KIF7: variants seen among roughly 807,000 people sequenced by gnomAD.
KIF7 encodes kinesin family member 7, also known as kinesin-like protein KIF7.
In KIF7, 104 loss-of-function variants were observed where a neutral mutation model predicts 135.7. The ratio of observed to expected loss-of-function variants is 0.77; its 90% CI spans 0.65 to 0.90. The LOEUF (loss-of-function observed/expected upper bound fraction) is 0.90. KIF7 is among the 40% of genes least tolerant of loss of function. The pLI is 0.00. For synonymous variants in KIF7, 883 were observed against 809.4 expected, an observed-to-expected ratio of 1.09 and a Z score of -1.54; for missense variants, 2,005 against 1,839.1, an observed-to-expected ratio of 1.09 and a Z score of -1.65.
At chr15:89,647,254 C>T (rs974781463) in intron 6 of KIF7, among the ~76,000 whole-genome samples, 197 bp from the exon 7 acceptor site, 1 of 152,140 alleles carries the variant, frequency 6.6e-6, no homozygotes, top group African/African-American at 2.4e-5. Context: ...ACACTCCTAT[C>T]CTGCCAGACC....
chr15:89,635,379 G>A lies in KIF7; in HGVS notation c.2395-1496C>T, dbSNP rs568431062. Reference sequence around the variant, plus strand: ...AGGCTTCAGATGATCAAATTATTCCGAGCTATGGGAGGAAATTCAAACCAA... The same window carrying A: ...AGGCTTCAGATGATCAAATTATTCCAAGCTATGGGAGGAAATTCAAACCAA... On this transcript the variant is annotated intron_variant, in intron 11 of 18. Coordinates refer to ENST00000394412, the MANE Select transcript of KIF7 (RefSeq NM_198525.3). Among the ~76,000 whole-genome samples the A allele has an allele frequency of 1.2e-4, 18 of 152,292 alleles. No homozygotes were observed. The East Asian group carries it at 1.4e-3, about 11-fold the overall frequency.
At chr15:89,648,147 G>C (rs1388742057) in intron 5 of KIF7, 108 bp downstream of exon 5, 2 of 1,347,886 alleles carry the variant, frequency 1.5e-6, no homozygotes, top group Non-Finnish European at 9.5e-7. Flanking sequence ...AACGTGCCCT[G>C]CTAATGGGCA....
upstream of KIF7, among the ~76,000 whole-genome samples, chr15:89,656,960 T>C (rs920000393): frequency 6.6e-6 from 1 of 152,190 alleles, no homozygotes. Context: ...GATTTTCATA[T>C]GTGTAAAATG....
exon 2 of KIF7, chr15:89,618,143 T>C (rs560689199): frequency 6.2e-7 from 1 of 1,614,030 alleles, no homozygotes; most frequent in Non-Finnish European, 8.5e-7. Flanking sequence ...GTGCATGTGG[T>C]TCCTCGAGGT....
In KIF7 at chr15:89,652,757, G is replaced by C. The variant is rs760396015; in HGVS notation, c.174C>G (p.His58Gln). ...GCCCCGCATCCTCGGCCAGCACCAC[G>C]TGGAAGCCAAAGTGTCGGTCACGGC... ...TLGRDRHFGF[H>Q]VVLAEDAGQE... is the part of the protein sequence containing the mutation. Residue 58 changes from histidine to glutamine, a missense_variant, in exon 2 of 19, where the codon CAC becomes CAG. Transcript: ENST00000394412. 39 of 1,551,562 alleles carry C rather than the reference G, an allele frequency of 2.5e-5. No individual in the cohort carries two copies. Among genetic ancestry groups the C allele is most frequent in the Non-Finnish European group, 3.0e-5 (34 of 1,147,000 alleles).
upstream of KIF7, among the ~76,000 whole-genome samples, chr15:89,658,077 A>G (rs75677798): frequency 4.3e-3 from 657 of 152,352 alleles, 3 homozygotes; most frequent in African/African-American, 0.015. Context: ...TCCATTGTTC[A>G]TCAGATATCA....
intron 16 of KIF7, 26 bp downstream of exon 16, chr15:89,630,261 T>C (rs754842380): frequency 3.1e-6 from 5 of 1,609,532 alleles, no homozygotes; most frequent in Non-Finnish European, 4.3e-6. Flanking sequence ...GAGGAGGAGC[T>C]GGGGGGCCAT....
chr15:89,633,931 G>C, intron 11 of KIF7, 48 bp from the exon 12 acceptor site: 2 of 1,596,624 alleles, frequency 1.3e-6, no homozygotes, highest in Non-Finnish European at 8.6e-7. Context: ...GCTACCGCGA[G>C]CCTGCCATAG....
At chr15:89,620,663 T>C (rs1963408712) in intron 1 of KIF7, among the ~76,000 whole-genome samples, 1 of 152,212 alleles carries the variant, frequency 6.6e-6, no homozygotes, top group African/African-American at 2.4e-5. Context: ...CGAGTTGCTC[T>C]CAAAAATTGT....
At chr15:89,620,460 G>A (rs995380635) in intron 1 of KIF7, among the ~76,000 whole-genome samples, 2 of 151,884 alleles carry the variant, frequency 1.3e-5, no homozygotes, top group African/African-American at 4.8e-5. Context: ...CATCTGCCTC[G>A]GCCTCCCAAA....
intron 18 of KIF7, 91 bp downstream of exon 18, chr15:89,628,885 T>C (rs1963598853): frequency 1.9e-6 from 3 of 1,611,396 alleles, no homozygotes; most frequent in Non-Finnish European, 1.7e-6. Context: ...AACCTGTGAA[T>C]TGAGCCAATA....
At chr15:89,655,123 G>A (rs1008960590) in intron 1 of KIF7, among the ~76,000 whole-genome samples, 11 of 152,192 alleles carry the variant, frequency 7.2e-5, no homozygotes, top group Admixed American at 7.2e-4. Context: ...ATTACAAATC[G>A]GGACCCGACT....
At chr15:89,625,936 G>A, downstream of KIF7, 1 of 1,570,476 alleles carries the variant, frequency 6.4e-7, no homozygotes, top group Non-Finnish European at 8.6e-7. Flanking sequence ...ATCTCTTTAG[G>A]CTCCACCCCA....
intron 10 of KIF7, among the ~76,000 whole-genome samples, chr15:89,644,595 G>C (rs2142020791): frequency 6.6e-6 from 1 of 152,236 alleles, no homozygotes; most frequent in East Asian, 1.9e-4. Flanking sequence ...TGAGGCAGGA[G>C]AATCGCTTGA....
downstream of KIF7, chr15:89,625,015 G>C (rs755473452): frequency 6.2e-7 from 1 of 1,613,930 alleles, no homozygotes; most frequent in African/African-American, 1.3e-5. Context: ...GCAAGCTTCT[G>C]GCCTTCCCAA....
intron 2 of KIF7, among the ~76,000 whole-genome samples, chr15:89,650,465 C>T (rs754959661): frequency 6.6e-6 from 1 of 152,178 alleles, no homozygotes; most frequent in African/African-American, 2.4e-5. Context: ...GTGATCTCGG[C>T]TCATTGCAAC....
At chr15:89,625,169 C>G (rs747468975), downstream of KIF7, 1 of 1,613,830 alleles carries the variant, frequency 6.2e-7, no homozygotes, top group African/African-American at 1.3e-5. Context: ...CCTGAACCCA[C>G]CTATGTGTCA....
chr15:89,640,811 C>T (rs1161992765), intron 11 of KIF7, among the ~76,000 whole-genome samples: 2 of 141,390 alleles, frequency 1.4e-5, no homozygotes, highest in Non-Finnish European at 3.0e-5. Flanking sequence ...CATGGTGAAA[C>T]ACTGTCTCTA....
chr15:89,634,073 C>T lies in KIF7; in HGVS notation c.2395-190G>A, dbSNP rs184091023. Among the ~76,000 whole-genome samples, 1,549 of 152,164 alleles carry T rather than the reference C, an allele frequency of 0.01. 30 individuals carry two copies. The highest frequency in any genetic ancestry group is 0.035 in the African/African-American group (1,439 of 41,512). On this transcript the variant is annotated intron_variant, in intron 11 of 18. Coordinates refer to ENST00000394412, the MANE Select transcript of KIF7 (RefSeq NM_198525.3). ...CAGCACTTTGAGAGGCTGAGGCGGG[C>T]GGATTACTTGAGGTCAGGAGTTTGA... is the stretch of plus-strand genomic sequence containing the variant.
Sources: allele counts gnomAD v4.1 joint callset (sites outside exome capture counted in the v4.1 genomes callset), GRCh38; gene constraint gnomAD v4.1.1; transcripts MANE v1.5; gene names NCBI Gene and HGNC (gene_info 2026-07-23, HGNC 2026-07-21).